DEPDC1B: variants seen among roughly 807,000 people sequenced by gnomAD.
The protein encoded by DEPDC1B is DEP domain-containing protein 1B.
DEPDC1B carries 51 observed loss-of-function variants against 66.5 expected under a neutral mutation model. The ratio of observed to expected loss-of-function variants is 0.77; its 90% confidence interval spans 0.61 to 0.97. The LOEUF (loss-of-function observed/expected upper bound fraction) is 0.97. Ranked by LOEUF, DEPDC1B falls within the 50% of genes least tolerant of loss-of-function variation. DEPDC1B has a pLI of 0.00. For missense variants in DEPDC1B, 552 were observed against 637.1 expected, an observed-to-expected ratio of 0.87 and a Z score of 1.44; for synonymous variants, 226 against 223.6, an observed-to-expected ratio of 1.01 and a Z score of -0.10.
chr5:60,659,606 G>A (rs1753660592), intron 2 of DEPDC1B, among the ~76,000 whole-genome samples: 1 of 152,178 alleles, frequency 6.6e-6, no homozygotes, highest in South Asian at 2.1e-4. Flanking sequence ...TTAGCCAGTT[G>A]AGATCACGGC....
chr5:60,687,157 T>C lies in DEPDC1B; in HGVS notation c.119A>G (p.Tyr40Cys), dbSNP rs756541606. ...LRKHRCRFKS[Y>C]EHCFTAAEAV... ...TTCGGCCGCTGTGAAACAATGCTCATAGCTCTTGAAACGACAGCGATGTTT... is the reference window on the plus strand; with the variant it reads ...TTCGGCCGCTGTGAAACAATGCTCACAGCTCTTGAAACGACAGCGATGTTT... The change falls in exon 2 of 11, where the codon TAT (tyrosine) becomes TGT (cysteine). Residue 40 changes from tyrosine to cysteine, a missense_variant. Coordinates refer to ENST00000265036, the MANE Select transcript of DEPDC1B (RefSeq NM_018369.3). The C allele has an allele frequency of 1.2e-5, 20 of 1,614,160 alleles. No individual in the cohort carries two copies. The highest frequency in any genetic ancestry group is 3.3e-5 in the Admixed American group (2 of 60,014).
intron 3 of DEPDC1B, among the ~76,000 whole-genome samples, chr5:60,646,420 T>C (rs1753317255): frequency 1.3e-5 from 2 of 152,176 alleles, no homozygotes; most frequent in Admixed American, 6.6e-5. Flanking sequence ...TAGTAAGTTA[T>C]AGAATGTACA....
intron 2 of DEPDC1B, among the ~76,000 whole-genome samples, chr5:60,651,708 A>G (rs1251562941): frequency 2.0e-5 from 3 of 152,174 alleles, no homozygotes; most frequent in Admixed American, 6.5e-5. Flanking sequence ...ACTTCTTAAT[A>G]GAGGTTGAAA....
chr5:60,650,500 A>G (rs1753424494), intron 2 of DEPDC1B, among the ~76,000 whole-genome samples: 2 of 152,158 alleles, frequency 1.3e-5, no homozygotes, highest in Non-Finnish European at 2.9e-5. Flanking sequence ...CAACACACAC[A>G]CCTGTTGTGA....
intron 1 of DEPDC1B, 51 bp downstream of exon 1, chr5:60,699,995 G>A (rs889716323): frequency 1.9e-6 from 3 of 1,542,050 alleles, no homozygotes; most frequent in Non-Finnish European, 2.6e-6. Flanking sequence ...CGCGCTGAGT[G>A]GGGGCTCGCG....
intron 6 of DEPDC1B, 34 bp downstream of exon 6, chr5:60,642,754 TAATTTAGGGCACTAATTTCTGTTA>T: frequency 7.0e-7 from 1 of 1,429,436 alleles, no homozygotes; most frequent in Non-Finnish European, 9.7e-7. Context: ...AAATTTTTCC[TAATTTAGGGCACTAATTTCTGTTA>T]ATTTCACAAA....
intron 2 of DEPDC1B, among the ~76,000 whole-genome samples, chr5:60,666,624 T>C (rs1346576858): frequency 6.6e-6 from 1 of 152,160 alleles, no homozygotes; most frequent in Admixed American, 6.5e-5. Flanking sequence ...TGATCTGTCT[T>C]CAGGTCCCTC....
At chr5:60,615,527 G>C (rs1002975557) in intron 7 of DEPDC1B, among the ~76,000 whole-genome samples, 1 of 152,180 alleles carries the variant, frequency 6.6e-6, no homozygotes, top group Non-Finnish European at 1.5e-5. Context: ...AGGGTCCTAC[G>C]CCCACGGAGC....
At chr5:60,690,853 G>A (rs1407348562) in intron 1 of DEPDC1B, among the ~76,000 whole-genome samples, 2 of 152,152 alleles carry the variant, frequency 1.3e-5, no homozygotes, top group Non-Finnish European at 1.5e-5. Flanking sequence ...CCAACCACCT[G>A]AGAAACTATT....
chr5:60,645,745 A>G (rs1474775076), intron 3 of DEPDC1B, 126 bp from the exon 4 acceptor site: 7 of 965,318 alleles, frequency 7.3e-6, no homozygotes, highest in African/African-American at 1.7e-5. Context: ...TTGTAACTTG[A>G]TTTAAAATAA....
chr5:60,616,596 A>G (rs939993920), intron 7 of DEPDC1B, among the ~76,000 whole-genome samples: 8 of 152,218 alleles, frequency 5.3e-5, no homozygotes, highest in African/African-American at 9.6e-5. Flanking sequence ...AAAAAAGAAT[A>G]AAAAGAAACG....
chr5:60,662,674 C>T (rs1169468304), intron 2 of DEPDC1B, among the ~76,000 whole-genome samples: 3 of 152,102 alleles, frequency 2.0e-5, no homozygotes, highest in South Asian at 2.1e-4. Flanking sequence ...AATAAGCTGC[C>T]CCCTCGTCCA....
chr5:60,644,664 G>A (rs1753267350), intron 5 of DEPDC1B, 81 bp downstream of exon 5: 1 of 1,200,358 alleles, frequency 8.3e-7, no homozygotes, highest in East Asian at 2.6e-5. Context: ...AGGGTTTAGG[G>A]AAGGGTCAGA....
At chr5:60,638,168 G>A (rs977407636) in intron 7 of DEPDC1B, among the ~76,000 whole-genome samples, 9 of 152,056 alleles carry the variant, frequency 5.9e-5, no homozygotes, top group African/African-American at 1.7e-4. Context: ...AAGGAATATC[G>A]GAACGAACTA....
chr5:60,622,030 T>TA (rs111806398), intron 7 of DEPDC1B, among the ~76,000 whole-genome samples: 21,135 of 149,492 alleles, frequency 0.14, 2,549 homozygotes, highest in African/African-American at 0.33. Flanking sequence ...CATGATGCTT[T>TA]AAAAAAAAAA....
Position 60,687,087 on chromosome 5 carries a change from G to A in DEPDC1B, c.189C>T (p.Phe63=), listed in dbSNP as rs747869194. The A allele has an allele frequency of 1.8e-5, 29 of 1,614,058 alleles. No homozygotes were observed. Among genetic ancestry groups the A allele is most frequent in the African/African-American group, 2.7e-5 (2 of 74,914 alleles). The change falls in exon 2 of 11, where the codon TTC becomes TTT. Residue 63 remains phenylalanine, a synonymous_variant. Transcript: ENST00000265036. ...TTTGTTTGCGGGTCACTTCAGGGCC[G>A]AAGTTTTGACTGCACCTCAGCAGCT... ...LHELLRCSQN[F]GPEVTRKQTV... is the part of the protein sequence containing the mutation.
chr5:60,651,290 G>C (rs762425384), intron 2 of DEPDC1B, among the ~76,000 whole-genome samples: 3 of 152,184 alleles, frequency 2.0e-5, no homozygotes, highest in Non-Finnish European at 2.9e-5. Context: ...CACTTTGGGA[G>C]ACCAGGGTGG....
chr5:60,696,503 A>C (rs900379157), intron 1 of DEPDC1B, among the ~76,000 whole-genome samples: 2 of 152,140 alleles, frequency 1.3e-5, no homozygotes, highest in Non-Finnish European at 2.9e-5. Flanking sequence ...TTATTTGGCT[A>C]CTCTGCTCAG....
chr5:60,660,077 A>G (rs947465061), intron 2 of DEPDC1B, among the ~76,000 whole-genome samples: 2 of 152,158 alleles, frequency 1.3e-5, no homozygotes, highest in African/African-American at 4.8e-5. Context: ...GTATTCCTAT[A>G]GTGGCAAATG....
Sources: gnomAD v4.1 joint callset for allele counts (sites outside exome capture counted in the v4.1 genomes callset) on GRCh38, gnomAD v4.1.1 for gene constraint, MANE v1.5 for transcripts, NCBI Gene and HGNC (gene_info 2026-07-23, HGNC 2026-07-21) for gene names.